KDM7A: variants seen among roughly 807,000 people sequenced by gnomAD.
KDM7A encodes the protein lysine-specific demethylase 7A.
In KDM7A, 28 loss-of-function variants were observed where a neutral mutation model predicts 114.8. The observed-to-expected ratio is 0.24, with a 90% CI of 0.18 to 0.33. The LOEUF is 0.33. KDM7A is among the 10% of genes least tolerant of loss of function. The pLI is 1.00. For missense variants in KDM7A, 942 were observed against 1,142.5 expected (o/e 0.82, Z 2.53); for synonymous variants, 423 against 397.8 (o/e 1.06, Z -0.75).
Position 140,088,853 on chromosome 7 carries a change from ATAAAT to A in KDM7A, c.*2236_*2240del, listed in dbSNP as rs1817975494. 4.6e-6 allele frequency: 1 copy of A among 217,968 alleles called. No individual in the cohort carries two copies. Among genetic ancestry groups the A allele is most frequent in the Non-Finnish European group, 8.9e-6 (1 of 112,448 alleles). 13.5% of individuals were successfully genotyped at this position (217,968 alleles called of 1,614,324 possible). ...CTGGCCACAATTTTAATTCATAAAA[ATAAAT>A]TAAATTTCATTTTAATTCATAAAAA... On this transcript the variant is annotated 3_prime_UTR_variant, in exon 20 of 20. Transcript: ENST00000397560.
Position 140,112,937 on chromosome 7 carries a change from A to C in KDM7A, c.1338+554T>G, listed in dbSNP as rs1242727663. On this transcript the variant is annotated intron_variant, in intron 10 of 19. Transcript: ENST00000397560. ...ATGAAAATGGAAAGCTCATGCTTGA[A>C]ATTTGGTCTCTCCTTTCCTTCACTT... 3.3e-5 allele frequency among the ~76,000 whole-genome samples: 5 copies of C among 152,342 alleles called. No homozygotes were observed. The East Asian group carries it at 7.7e-4, about 24-fold the overall frequency.
At chr7:140,150,914 C>T (rs568643590) in intron 1 of KDM7A, among the ~76,000 whole-genome samples, 8 of 151,236 alleles carry the variant, frequency 5.3e-5, no homozygotes, top group Middle Eastern at 3.2e-3. Flanking sequence ...ATGCAACCTC[C>T]GCCTCCCAGG....
chr7:140,092,013 T>C lies in KDM7A; in HGVS notation c.2522A>G (p.Gln841Arg). The change falls in exon 19 of 20, where the codon CAA (glutamine) becomes CGA (arginine). Residue 841 changes from glutamine (Q) to arginine (R), a missense_variant. Physicochemically the swap from Gln to Arg is conservative, Grantham distance 43 (BLOSUM62 1). Transcript: ENST00000397560. Reference protein sequence around the residue: ...EGSSEISQRVQSRNYVDSSGS... With the variant: ...EGSSEISQRVRSRNYVDSSGS... ...GCTGCTGTCCACATAATTCCTACTT[T>C]GTACCCTCTGACTAATTTCTGATGA... 6.2e-7 allele frequency: 1 copy of C among 1,614,132 alleles called. No individual in the cohort carries two copies. Among genetic ancestry groups the C allele is most frequent in the Non-Finnish European group, 8.5e-7 (1 of 1,180,000 alleles).
chr7:140,126,517 A>AG (rs1491350446), intron 6 of KDM7A, 120 bp downstream of exon 6: 3 of 66,874 alleles, frequency 4.5e-5, no homozygotes, highest in African/African-American at 2.6e-4. Flanking sequence ...GTTAAAAAGT[A>AG]AAAAAAAAAA....
intron 1 of KDM7A, among the ~76,000 whole-genome samples, chr7:140,139,549 A>G (rs188617752): frequency 2.0e-5 from 3 of 152,354 alleles, no homozygotes; most frequent in Admixed American, 1.3e-4. Context: ...TGATAATACA[A>G]TATGACAAAA....
chr7:140,125,998 G>A (rs1317373089), intron 6 of KDM7A, among the ~76,000 whole-genome samples: 1 of 151,916 alleles, frequency 6.6e-6, no homozygotes, highest in African/African-American at 2.4e-5. Flanking sequence ...TCAACTTCCT[G>A]GGCTCAAGTG....
Position 140,094,051 on chromosome 7 carries a change from T to C in KDM7A, c.2457+5A>G. 1 of 1,521,666 alleles carries C rather than the reference T, an allele frequency of 6.6e-7. No homozygotes were observed. Among genetic ancestry groups the C allele is most frequent in the East Asian group, 2.2e-5 (1 of 44,484 alleles). 94.3% of individuals were successfully genotyped at this position (1,521,666 alleles called of 1,614,324 possible). The stretch of plus-strand genomic sequence containing the variant: ...TCCTTTTAACGTTTCAAACTTTGAA[T>C]ATACCTGAGGATGAAATCTGGAAGT... On this transcript the variant is annotated splice_donor_5th_base_variant and intron_variant, in intron 18 of 19. Transcript: ENST00000397560.
chr7:140,135,957 T>C (rs956613210), intron 2 of KDM7A, among the ~76,000 whole-genome samples: 5 of 151,940 alleles, frequency 3.3e-5, no homozygotes, highest in African/African-American at 9.7e-5. Context: ...ATATTGCATT[T>C]TTAAGTTTTA....
At chr7:140,144,281 G>A (rs893378853) in intron 1 of KDM7A, among the ~76,000 whole-genome samples, 6 of 152,176 alleles carry the variant, frequency 3.9e-5, no homozygotes, top group South Asian at 2.1e-4. Flanking sequence ...TCTACAAATA[G>A]TATGAGACAA....
At chr7:140,159,587 T>A (rs185837829) in intron 1 of KDM7A, among the ~76,000 whole-genome samples, 1 of 152,312 alleles carries the variant, frequency 6.6e-6, no homozygotes, top group East Asian at 1.9e-4. Flanking sequence ...TCAAGCAGGC[T>A]TGAGGCCTCC....
Position 140,094,091 on chromosome 7 carries a change from T to C in KDM7A, c.2422A>G (p.Ile808Val), listed in dbSNP as rs2116736054. Reference sequence around the variant, plus strand: ...AATCTGGAAGTATCAAACTGTTTAATCCAGGAGGAAGTCCTCAAGTCTGGA... The same window carrying C: ...AATCTGGAAGTATCAAACTGTTTAACCCAGGAGGAAGTCCTCAAGTCTGGA... ...EDPDLRTSSW[I>V]KQFDTSRFHP... The change falls in exon 18 of 20, where the codon ATT becomes GTT. Residue 808 changes from isoleucine to valine, a missense_variant. By Grantham distance (29) the Ile-to-Val change is conservative. Around this residue, in one of 4 missense-constraint regions of KDM7A, gnomAD observed 512 missense variants for 576.6 expected, o/e 0.89. Coordinates refer to ENST00000397560, the MANE Select transcript of KDM7A (RefSeq NM_030647.2). 6.2e-7 allele frequency: 1 copy of C among 1,604,944 alleles called. No individual in the cohort carries two copies. Among genetic ancestry groups the C allele is most frequent in the African/African-American group, 1.3e-5 (1 of 74,898 alleles).
chr7:140,136,353 G>A (rs142511863), intron 2 of KDM7A, among the ~76,000 whole-genome samples: 41 of 152,294 alleles, frequency 2.7e-4, no homozygotes, highest in African/African-American at 9.6e-4. Context: ...CTTGGAGGAG[G>A]TTAACAGAAG....
intron 13 of KDM7A, 142 bp downstream of exon 13, chr7:140,099,756 CA>C: frequency 1.4e-6 from 1 of 696,066 alleles, no homozygotes; most frequent in Non-Finnish European, 2.5e-6. Context: ...AGTTTAATCC[CA>C]AAACCATTCC....
Position 140,099,965 on chromosome 7 carries a change from G to A in KDM7A, c.1697C>T (p.Thr566Ile). ...ATCTTTCGCTCTCCATTCAGGTACT[G>A]TGGAGGATGGTTGGAGATGTTTGTT... ...KFNKHLQPSS[T>I]VPEWRAKDND... The change falls in exon 13 of 20, where the codon ACA becomes ATA. Residue 566 changes from threonine to isoleucine, a missense_variant. Coordinates refer to ENST00000397560, the MANE Select transcript of KDM7A (RefSeq NM_030647.2). 2 of 1,611,098 alleles carry A rather than the reference G, an allele frequency of 1.2e-6. No homozygotes were observed. The highest frequency in any genetic ancestry group is 2.2e-5 in the East Asian group (1 of 44,866).
At chr7:140,152,518 G>A (rs375122260) in intron 1 of KDM7A, among the ~76,000 whole-genome samples, 1 of 148,348 alleles carries the variant, frequency 6.7e-6, no homozygotes, top group East Asian at 2.1e-4. Context: ...CAGCTACTTG[G>A]GAGGCTGAGG....
intron 2 of KDM7A, among the ~76,000 whole-genome samples, chr7:140,136,482 G>A (rs2116816989): frequency 6.6e-6 from 1 of 152,312 alleles, no homozygotes; most frequent in African/African-American, 2.4e-5. Context: ...TGGTTAAAGG[G>A]AAAGGAGAAA....
intron 11 of KDM7A, among the ~76,000 whole-genome samples, chr7:140,107,349 G>A (rs903307176): frequency 3.3e-5 from 5 of 152,166 alleles, no homozygotes; most frequent in Non-Finnish European, 5.9e-5. Flanking sequence ...GTTAGTTGGT[G>A]CAGTTTCTTC....
chr7:140,117,434 A>G (rs191983858), intron 9 of KDM7A, among the ~76,000 whole-genome samples: 1 of 151,810 alleles, frequency 6.6e-6, no homozygotes, highest in Admixed American at 6.6e-5. Flanking sequence ...ATTAGTAGAA[A>G]AAAAAAAACC....
At position 140,157,971 on chromosome 7, in the gene KDM7A, AAAATAAATAAAT is replaced by A. The variant is rs34647950; in HGVS notation, c.194+18761_194+18772del. 4.5e-4 allele frequency among the ~76,000 whole-genome samples: 65 copies of A among 143,776 alleles called. 1 individual carries two copies. The highest frequency in any genetic ancestry group is 5.4e-4 in the Non-Finnish European group (36 of 66,220). 94.3% of individuals were successfully genotyped at this position (143,776 alleles called of 152,430 possible). ...GCCACAGAGCAAGACTCCGTCTCAA[AAAATAAATAAAT>A]AAATAAATAAATAATAATAATAATA... On this transcript the variant is annotated intron_variant, in intron 1 of 19. Transcript: ENST00000397560.
Sources: allele counts gnomAD v4.1 joint callset (sites outside exome capture counted in the v4.1 genomes callset), GRCh38; gene constraint gnomAD v4.1.1; regional missense constraint gnomAD v4.1.1; transcripts MANE v1.5; gene names NCBI Gene and HGNC (gene_info 2026-07-23, HGNC 2026-07-21).